Variants in UBAC2 observed in about 807,000 individuals in gnomAD.
UBAC2 encodes the protein UBA domain containing 2, also known as ubiquitin-associated domain-containing protein 2.
UBAC2 carries 26 observed loss-of-function variants against 44.0 expected under a neutral mutation model. That is an observed-to-expected ratio of 0.59 (90% confidence interval 0.43 to 0.82). The LOEUF is 0.82. Ranked by LOEUF, UBAC2 falls within the 40% of genes least tolerant of loss-of-function variation. The pLI is 0.00. For synonymous variants in UBAC2, 155 were observed against 154.3 expected (o/e 1.00, Z -0.04); for missense variants, 329 against 419.4 (o/e 0.78, Z 1.88).
intron 1 of UBAC2, among the ~76,000 whole-genome samples, chr13:99,237,076 T>C (rs2043242304): frequency 6.6e-6 from 1 of 152,142 alleles, no homozygotes; most frequent in Non-Finnish European, 1.5e-5. Context: ...CCATGCTTAT[T>C]GCAGCACTAT....
chr13:99,360,209 C>T (rs1228792883), intron 7 of UBAC2, among the ~76,000 whole-genome samples: 5 of 152,208 alleles, frequency 3.3e-5, no homozygotes, highest in Non-Finnish European at 5.9e-5. Flanking sequence ...CCATCCATCA[C>T]AGCCCTCCAG....
intron 7 of UBAC2, among the ~76,000 whole-genome samples, chr13:99,357,256 A>G (rs1439234201): frequency 1.3e-5 from 2 of 152,212 alleles, no homozygotes; most frequent in African/African-American, 4.8e-5. Flanking sequence ...AGGCGATCAC[A>G]TCTAGGTTTC....
intron 1 of UBAC2, among the ~76,000 whole-genome samples, chr13:99,207,993 CTTTTT>C (rs369860759): frequency 4.6e-5 from 5 of 109,492 alleles, no homozygotes; most frequent in Admixed American, 9.6e-5. Context: ...CTCATCGTCT[CTTTTT>C]TTTTTTTTTT....
At chr13:99,201,355 C>A (rs2042795346) in intron 1 of UBAC2, 1 of 1,559,976 alleles carries the variant, frequency 6.4e-7, no homozygotes. Flanking sequence ...ACTCCCCCCG[C>A]CCCCACTTGC....
At chr13:99,275,084 G>T (rs1331758778) in intron 4 of UBAC2, among the ~76,000 whole-genome samples, 1 of 152,208 alleles carries the variant, frequency 6.6e-6, no homozygotes, top group Non-Finnish European at 1.5e-5. Context: ...GTACCTAGGA[G>T]TGGAAAGCAG....
At chr13:99,360,007 A>G (rs2138877535) in intron 7 of UBAC2, among the ~76,000 whole-genome samples, 1 of 152,380 alleles carries the variant, frequency 6.6e-6, no homozygotes, top group Middle Eastern at 3.4e-3. Context: ...CCAATGGCCA[A>G]CAGTCTTAAA....
chr13:99,201,445 T>C (rs774018277), intron 1 of UBAC2: 6 of 1,613,934 alleles, frequency 3.7e-6, no homozygotes, highest in Non-Finnish European at 4.2e-6. Context: ...AGAAGAGTTT[T>C]TAGACAAACA....
chr13:99,246,686 A>G (rs1053639425), intron 4 of UBAC2, among the ~76,000 whole-genome samples: 3 of 152,222 alleles, frequency 2.0e-5, no homozygotes, highest in Non-Finnish European at 2.9e-5. Context: ...GATTGATTCA[A>G]TTTTGAAGTT....
At chr13:99,255,178 CT>C (rs1355369228) in intron 4 of UBAC2, 2 of 1,613,990 alleles carry the variant, frequency 1.2e-6, no homozygotes, top group Non-Finnish European at 1.7e-6. Context: ...GATGATGATC[CT>C]TATGGACTTC....
At position 99,209,048 on chromosome 13, in the gene UBAC2, C is replaced by T. The variant is rs974168922; in HGVS notation, c.31+8109C>T. On this transcript the variant is annotated intron_variant, in intron 1 of 8. Coordinates refer to ENST00000403766, the MANE Select transcript of UBAC2 (RefSeq NM_001144072.2). ...ACCTAAGACCCTCTGCTGGCTCTCG[C>T]GCACAGCCTGGCTGGGACTGCGTGT... is the stretch of plus-strand genomic sequence containing the variant. 2.6e-5 allele frequency among the ~76,000 whole-genome samples: 4 copies of T among 152,340 alleles called. No individual in the cohort carries two copies. The East Asian group carries it at 5.8e-4, about 22-fold the overall frequency.
chr13:99,332,854 C>T (rs2044735572), intron 6 of UBAC2, among the ~76,000 whole-genome samples: 3 of 152,334 alleles, frequency 2.0e-5, no homozygotes, highest in Admixed American at 6.5e-5. Context: ...CCCCAGCCCC[C>T]TGACACACAA....
chr13:99,268,611 C>CAAAAAAAAAAAAAAAA (rs756827927), intron 4 of UBAC2, among the ~76,000 whole-genome samples: 2 of 75,736 alleles, frequency 2.6e-5, no homozygotes, highest in African/African-American at 6.3e-5. Flanking sequence ...GACTCTGTCT[C>CAAAAAAAAAAAAAAAA]AAAAAAAAAA....
intron 4 of UBAC2, among the ~76,000 whole-genome samples, chr13:99,276,521 C>T (rs535161608): frequency 2.0e-5 from 3 of 152,352 alleles, no homozygotes; most frequent in East Asian, 3.9e-4. Flanking sequence ...TGAGAGTGCA[C>T]GGAGCTCTCG....
chr13:99,309,821 A>C (rs1314296526), intron 4 of UBAC2, among the ~76,000 whole-genome samples: 2 of 152,082 alleles, frequency 1.3e-5, no homozygotes, highest in Non-Finnish European at 2.9e-5. Flanking sequence ...TATGTTGCCC[A>C]GGCTGGTCTC....
At chr13:99,210,478 CT>C (rs67744400) in intron 1 of UBAC2, among the ~76,000 whole-genome samples, 85,623 of 112,466 alleles carry the variant, frequency 0.76, 31,702 homozygotes, top group Middle Eastern at 0.88. Flanking sequence ...TTTTTCTTTT[CT>C]TTTTTTTTTT....
chr13:99,220,670 T>C (rs966600924), intron 1 of UBAC2, among the ~76,000 whole-genome samples: 2 of 152,244 alleles, frequency 1.3e-5, no homozygotes, highest in African/African-American at 4.8e-5. Context: ...TAAAAGGATC[T>C]CCTGCAGAGA....
rs1289844229 is a variant in UBAC2, at chr13:99,343,879, T to C, written c.807+3314T>C. Reference sequence around the variant, plus strand: ...GAGTACCGTACAGGGTGCAGTTGTATTGGAATGTAATACCAGGAGAAAAGT... The same window carrying C: ...GAGTACCGTACAGGGTGCAGTTGTACTGGAATGTAATACCAGGAGAAAAGT... On this transcript the variant is annotated intron_variant, in intron 7 of 8. Coordinates refer to ENST00000403766, the MANE Select transcript of UBAC2 (RefSeq NM_001144072.2). 5.9e-5 allele frequency among the ~76,000 whole-genome samples: 9 copies of C among 152,244 alleles called. No homozygotes were observed. The South Asian group carries it at 6.2e-4, about 10-fold the overall frequency.
intron 6 of UBAC2, among the ~76,000 whole-genome samples, 155 bp downstream of exon 6, chr13:99,318,224 A>G (rs1256114940): frequency 6.6e-6 from 1 of 151,914 alleles, no homozygotes; most frequent in African/African-American, 2.4e-5. Flanking sequence ...CTGGAGTGCA[A>G]TGGCTCGATC....
rs1266324859 is a variant in UBAC2, at chr13:99,385,996, T to TGCG, written c.*663_*665dup. ...GAGTATCCAGAGTTAGCCACTAGGC[T>TGCG]GCGGGTGAAATGGGATGGAGAAGAA... On this transcript the variant is annotated 3_prime_UTR_variant, in exon 9 of 9. Transcript: ENST00000403766. 1.3e-5 allele frequency: 2 copies of TGCG among 152,618 alleles called. No homozygotes were observed. The highest frequency in any genetic ancestry group is 4.8e-5 in the African/African-American group (2 of 41,458). The allele number at this position is 152,618 out of a possible 1,614,324, so 9.5% of individuals were successfully genotyped here.
Sources: allele counts gnomAD v4.1 joint callset (sites outside exome capture counted in the v4.1 genomes callset), GRCh38; gene constraint gnomAD v4.1.1; transcripts MANE v1.5; gene names NCBI Gene and HGNC (gene_info 2026-07-23, HGNC 2026-07-21).